The following LRMDA variants were observed in gnomAD, a reference collection of about 807,000 sequenced individuals.
LRMDA encodes the protein leucine-rich melanocyte differentiation-associated protein.
A neutral mutation model predicts 29.8 loss-of-function variants in LRMDA; 18 were observed. That is an observed-to-expected ratio of 0.60 (90% CI 0.42 to 0.90). The LOEUF is 0.90. Ranked by LOEUF, LRMDA falls within the 40% of genes least tolerant of loss-of-function variation. The pLI is 0.00. For synonymous variants in LRMDA, 125 were observed against 109.4 expected, an observed-to-expected ratio of 1.14 and a Z score of -0.89; for missense variants, 273 against 273.9, an observed-to-expected ratio of 1.00 and a Z score of 0.02.
At chr10:75,514,772 C>T (rs1845271048) in intron 2 of LRMDA, among the ~76,000 whole-genome samples, 1 of 152,220 alleles carries the variant, frequency 6.6e-6, no homozygotes, top group African/African-American at 2.4e-5. Context: ...GATGCTGCTG[C>T]CATGCTTCTT....
chr10:76,039,512 T>C (rs1416204040), intron 3 of LRMDA, among the ~76,000 whole-genome samples: 1 of 152,210 alleles, frequency 6.6e-6, no homozygotes, highest in Admixed American at 6.5e-5. Flanking sequence ...TCTAGATTTT[T>C]CCACTTTGGT....
At chr10:75,962,436 C>T (rs1370148726) in intron 2 of LRMDA, among the ~76,000 whole-genome samples, 1 of 152,186 alleles carries the variant, frequency 6.6e-6, no homozygotes, top group Non-Finnish European at 1.5e-5. Flanking sequence ...GGGGGCTCAG[C>T]AGTTTTGTGT....
chr10:76,387,991 A>G (rs1841680512), intron 6 of LRMDA, among the ~76,000 whole-genome samples: 1 of 152,218 alleles, frequency 6.6e-6, no homozygotes, highest in Admixed American at 6.5e-5. Flanking sequence ...TAAGTGTCAG[A>G]ACACTGTAGA....
intron 5 of LRMDA, among the ~76,000 whole-genome samples, chr10:76,141,665 G>A (rs964522202): frequency 2.0e-5 from 3 of 152,150 alleles, no homozygotes; most frequent in South Asian, 2.1e-4. Context: ...TATTAAATTC[G>A]AAAGGTGATC....
chr10:75,704,166 G>C (rs1479085362), intron 2 of LRMDA, among the ~76,000 whole-genome samples: 1 of 152,148 alleles, frequency 6.6e-6, no homozygotes. Flanking sequence ...AATAATTTAA[G>C]TCAGTTATAG....
At chr10:76,117,790 T>C (rs1190684932) in intron 5 of LRMDA, among the ~76,000 whole-genome samples, 1 of 152,242 alleles carries the variant, frequency 6.6e-6, no homozygotes, top group Non-Finnish European at 1.5e-5. Context: ...TAGCCTTTAC[T>C]GTAGTATTCA....
intron 5 of LRMDA, among the ~76,000 whole-genome samples, chr10:76,301,291 T>C (rs1292915532): frequency 2.6e-5 from 4 of 152,214 alleles, no homozygotes; most frequent in Non-Finnish European, 5.9e-5. Context: ...CATGCTGTTA[T>C]ATGAAACAGC....
At chr10:76,109,171 G>A (rs371004271) in intron 5 of LRMDA, among the ~76,000 whole-genome samples, 3 of 152,130 alleles carry the variant, frequency 2.0e-5, no homozygotes, top group East Asian at 3.9e-4. Context: ...GCCTGCGCAT[G>A]GGCTGTGTAT....
chr10:75,909,407 T>G (rs1380451355), intron 2 of LRMDA, among the ~76,000 whole-genome samples: 1 of 152,214 alleles, frequency 6.6e-6, no homozygotes, highest in Non-Finnish European at 1.5e-5. Flanking sequence ...CTCTGCATCC[T>G]CTTGGCCTGC....
At chr10:75,697,850 T>TGTGTGTGTGTGTGTGTGTGC (rs10664076) in intron 2 of LRMDA, among the ~76,000 whole-genome samples, 55 of 151,582 alleles carry the variant, frequency 3.6e-4, no homozygotes, top group African/African-American at 1.3e-3. Flanking sequence ...TGTGTGTGTG[T>TGTGTGTGTGTGTGTGTGTGC]GCGTGTGTGT....
intron 5 of LRMDA, among the ~76,000 whole-genome samples, chr10:76,097,816 T>G (rs867048806): frequency 6.6e-6 from 1 of 152,174 alleles, no homozygotes; most frequent in Non-Finnish European, 1.5e-5. Flanking sequence ...TAGATTTGAT[T>G]TATTAATATT....
chr10:75,795,533 T>G (rs1261878576), intron 2 of LRMDA, among the ~76,000 whole-genome samples: 3 of 152,226 alleles, frequency 2.0e-5, no homozygotes, highest in African/African-American at 7.2e-5. Flanking sequence ...TTATCAAAAA[T>G]CAGTTGGCCA....
chr10:75,469,470 T>C (rs1190721228), intron 2 of LRMDA, among the ~76,000 whole-genome samples: 1 of 152,038 alleles, frequency 6.6e-6, no homozygotes, highest in Non-Finnish European at 1.5e-5. Context: ...ACATCTCCCT[T>C]TCCTTCCCAA....
intron 5 of LRMDA, among the ~76,000 whole-genome samples, chr10:76,201,087 TTATTTATTTATTTATTTATTTATA>T (rs1851419551): frequency 7.9e-6 from 1 of 126,902 alleles, no homozygotes; most frequent in East Asian, 2.8e-4. Context: ...ATTTATTTAT[TTATTTATTTATTTATTTATTTATA>T]TTTAGACGGA....
chr10:76,402,159 G>A (rs1207153737), intron 6 of LRMDA: 1 of 152,162 alleles, frequency 6.6e-6, no homozygotes, highest in African/African-American at 2.4e-5. Context: ...AGGTAAAGAG[G>A]TTAGGCCGTT....
At chr10:76,348,956 G>A (rs1303168686) in intron 6 of LRMDA, among the ~76,000 whole-genome samples, 1 of 152,166 alleles carries the variant, frequency 6.6e-6, no homozygotes, top group African/African-American at 2.4e-5. Flanking sequence ...TGGCAGATGA[G>A]GACATCACAG....
intron 5 of LRMDA, among the ~76,000 whole-genome samples, chr10:76,071,472 T>A (rs2132069221): frequency 6.6e-6 from 1 of 152,382 alleles, no homozygotes; most frequent in Non-Finnish European, 1.5e-5. Context: ...TATTTTTTTC[T>A]TCTTTGTGTT....
At chr10:75,544,138 T>A (rs879540204) in intron 2 of LRMDA, among the ~76,000 whole-genome samples, 3 of 152,204 alleles carry the variant, frequency 2.0e-5, no homozygotes, top group Non-Finnish European at 4.4e-5. Context: ...CATGTGTGTG[T>A]CTTCACACTC....
chr10:75,729,787 G>C (rs1842673263), intron 2 of LRMDA, among the ~76,000 whole-genome samples: 1 of 152,120 alleles, frequency 6.6e-6, no homozygotes, highest in Non-Finnish European at 1.5e-5. Context: ...GGGTTTTGTT[G>C]TTGTTTTTGT....
Sources: gnomAD v4.1 joint callset for allele counts (sites outside exome capture counted in the v4.1 genomes callset) on GRCh38, gnomAD v4.1.1 for gene constraint, MANE v1.5 for transcripts, NCBI Gene and HGNC (gene_info 2026-07-23, HGNC 2026-07-21) for gene names.